The following C7orf78 variants were observed in gnomAD, a reference collection of about 807,000 sequenced individuals.
C7orf78 encodes putative uncharacterized protein C7orf78.
At chr7:12,492,971 G>C in the C7orf78 span, among the ~76,000 whole-genome samples, 2 of 152,198 alleles carry the variant, frequency 1.3e-5, no homozygotes, top group Admixed American at 1.3e-4. Flanking sequence ...GGGAGGCCGA[G>C]GTGGGTGGAT....
chr7:12,538,684 C>T, the C7orf78 span, among the ~76,000 whole-genome samples: 1 of 152,248 alleles, frequency 6.6e-6, no homozygotes, highest in South Asian at 2.1e-4. Context: ...TGGGATTACT[C>T]ACAAGATGGC....
chr7:12,500,419 A>G, the C7orf78 span, among the ~76,000 whole-genome samples: 1 of 150,544 alleles, frequency 6.6e-6, no homozygotes, highest in East Asian at 2.0e-4. Context: ...TCCCACAGAA[A>G]TACAAACTAC....
the C7orf78 span, among the ~76,000 whole-genome samples, chr7:12,526,204 T>A: frequency 6.6e-6 from 1 of 152,124 alleles, no homozygotes; most frequent in Non-Finnish European, 1.5e-5. Flanking sequence ...AATCTTGGCT[T>A]CACTGCCCCA....
chr7:12,496,059 G>A, the C7orf78 span, among the ~76,000 whole-genome samples: 1 of 152,060 alleles, frequency 6.6e-6, no homozygotes, highest in Non-Finnish European at 1.5e-5. Context: ...CAGAGTAGGT[G>A]CAACTACAGG....
At chr7:12,540,014 C>G in the C7orf78 span, among the ~76,000 whole-genome samples, 2 of 152,118 alleles carry the variant, frequency 1.3e-5, no homozygotes, top group Non-Finnish European at 2.9e-5. Flanking sequence ...ACAGAAAGGT[C>G]AATTTCTATG....
the C7orf78 span, among the ~76,000 whole-genome samples, chr7:12,510,218 C>A: frequency 2.0e-5 from 3 of 151,956 alleles, no homozygotes; most frequent in East Asian, 5.8e-4. Context: ...CTCTGTCACC[C>A]AGGCTGGATC....
the C7orf78 span, among the ~76,000 whole-genome samples, chr7:12,489,278 A>C: frequency 2.3e-5 from 1 of 43,128 alleles, no homozygotes; most frequent in African/African-American, 2.5e-4. Flanking sequence ...ATGGTTATTT[A>C]TATGCATTGT....
the C7orf78 span, among the ~76,000 whole-genome samples, chr7:12,508,445 C>T: frequency 0.019 from 2,830 of 151,940 alleles, 92 homozygotes; most frequent in African/African-American, 0.064. Context: ...TGAGAAAATG[C>T]TATGTAAGGA....
chr7:12,512,051 A>C, the C7orf78 span, among the ~76,000 whole-genome samples: 2 of 150,340 alleles, frequency 1.3e-5, no homozygotes, highest in Non-Finnish European at 2.9e-5. Flanking sequence ...CTGGGATTAC[A>C]GGCGTGAGCC....
chr7:12,522,278 C>T, the C7orf78 span, among the ~76,000 whole-genome samples: 1 of 151,994 alleles, frequency 6.6e-6, no homozygotes, highest in Non-Finnish European at 1.5e-5. Context: ...ATTAGCCTTT[C>T]CAAGGAGATT....
the C7orf78 span, among the ~76,000 whole-genome samples, chr7:12,537,030 C>G: frequency 6.6e-6 from 1 of 152,174 alleles, no homozygotes; most frequent in African/African-American, 2.4e-5. Flanking sequence ...TGTTCCAACC[C>G]CTGTCTGTTA....
At chr7:12,489,598 G>C in the C7orf78 span, among the ~76,000 whole-genome samples, 3 of 152,040 alleles carry the variant, frequency 2.0e-5, no homozygotes, top group African/African-American at 7.2e-5. Context: ...TCTAGGGCTT[G>C]GATTGGAGCC....
the C7orf78 span, among the ~76,000 whole-genome samples, chr7:12,513,903 A>G: frequency 2.4e-3 from 368 of 152,218 alleles, 5 homozygotes; most frequent in African/African-American, 8.0e-3. Context: ...GGGAGGCTGA[A>G]GCAGGAGAAT....
At chr7:12,493,010 C>T in the C7orf78 span, among the ~76,000 whole-genome samples, 2 of 151,992 alleles carry the variant, frequency 1.3e-5, no homozygotes, top group African/African-American at 2.4e-5. Flanking sequence ...TGAAACCAGC[C>T]TGGGTCACAT....
chr7:12,521,067 ACAT>A, the C7orf78 span, among the ~76,000 whole-genome samples: 1 of 152,100 alleles, frequency 6.6e-6, no homozygotes, highest in African/African-American at 2.4e-5. Context: ...TTTGTATGGA[ACAT>A]CATTTTCTAT....
At chr7:12,536,806 C>T in the C7orf78 span, among the ~76,000 whole-genome samples, 82 of 152,218 alleles carry the variant, frequency 5.4e-4, 3 homozygotes, top group Admixed American at 3.5e-3. Context: ...GTCTCTAGGC[C>T]GGGGGCAAAA....
At chr7:12,496,066 C>T in the C7orf78 span, among the ~76,000 whole-genome samples, 1 of 152,112 alleles carries the variant, frequency 6.6e-6, no homozygotes, top group Non-Finnish European at 1.5e-5. Flanking sequence ...GGTGCAACTA[C>T]AGGTGCCCGC....
the C7orf78 span, among the ~76,000 whole-genome samples, chr7:12,504,823 G>T: frequency 3.9e-5 from 6 of 152,016 alleles, no homozygotes; most frequent in Non-Finnish European, 8.8e-5. Context: ...TGAATATGTG[G>T]TCTAAAAAGT....
At chr7:12,492,448 ACTGT>A in the C7orf78 span, among the ~76,000 whole-genome samples, 1 of 152,178 alleles carries the variant, frequency 6.6e-6, no homozygotes, top group African/African-American at 2.4e-5. Context: ...TTATGTTGAA[ACTGT>A]CTGTCATAGC....
Sources: allele counts gnomAD v4.1 joint callset (sites outside exome capture counted in the v4.1 genomes callset), GRCh38; gene constraint gnomAD v4.1.1; transcripts MANE v1.5; gene names NCBI Gene and HGNC (gene_info 2026-07-23, HGNC 2026-07-21).